The following VANGL1 variants were observed in gnomAD, a reference collection of about 807,000 sequenced individuals.
VANGL1 encodes VANGL planar cell polarity protein 1, also known as vang-like protein 1.
A neutral mutation model predicts 48.4 loss-of-function variants in VANGL1; 18 were observed. That is an observed-to-expected ratio of 0.37 (90% CI 0.26 to 0.55). The LOEUF (loss-of-function observed/expected upper bound fraction) is 0.55. Ranked by LOEUF, VANGL1 falls within the 20% of genes least tolerant of loss-of-function variation. The pLI is 0.81. For missense variants in VANGL1, 667 were observed against 675.8 expected (o/e 0.99, Z 0.14); for synonymous variants, 257 against 261.8 (o/e 0.98, Z 0.18).
intron 1 of VANGL1, among the ~76,000 whole-genome samples, chr1:115,650,463 C>T (rs1028102766): frequency 2.6e-5 from 4 of 152,098 alleles, no homozygotes; most frequent in African/African-American, 4.8e-5. Flanking sequence ...GACCCAGGAG[C>T]CTGCAAATAA....
rs1653922734 is a variant in VANGL1 at position 115,693,444 on chromosome 1, T to A, written c.*2065T>A. On this transcript the variant is annotated 3_prime_UTR_variant, in exon 8 of 8. Transcript: ENST00000355485. The stretch of plus-strand genomic sequence containing the variant: ...TTCCAACCCTATCTTCAATGACCAG[T>A]CCAGAAGGGGTTAAGCTGGATTCAT... 6.6e-6 allele frequency: 1 copy of A among 152,616 alleles called. No homozygotes were observed. The highest frequency in any genetic ancestry group is 6.5e-5 in the Admixed American group (1 of 15,280). The allele number at this position is 152,616 out of a possible 1,614,324, so 9.5% of individuals were successfully genotyped here.
intron 2 of VANGL1, among the ~76,000 whole-genome samples, chr1:115,655,830 G>A (rs1391140229): frequency 1.3e-5 from 2 of 152,152 alleles, no homozygotes; most frequent in African/African-American, 4.8e-5. Context: ...CTACAGGGAT[G>A]AGCATTTGAG....
chr1:115,678,496 C>G (rs1653251683), intron 4 of VANGL1, among the ~76,000 whole-genome samples: 1 of 152,224 alleles, frequency 6.6e-6, no homozygotes, highest in South Asian at 2.1e-4. Context: ...TTCACACTTG[C>G]TGCAGCTTGG....
intron 1 of VANGL1, 106 bp from the exon 2 acceptor site, chr1:115,651,171 C>T: frequency 1.9e-6 from 1 of 522,404 alleles, no homozygotes; most frequent in Non-Finnish European, 3.4e-6. Flanking sequence ...TCGCTTGTTC[C>T]ATGATAGAGA....
chr1:115,657,657 G>T (rs953648668), intron 2 of VANGL1, among the ~76,000 whole-genome samples: 8 of 152,136 alleles, frequency 5.3e-5, no homozygotes, highest in Admixed American at 6.5e-5. Flanking sequence ...CACCTGAGTT[G>T]ACCAGAACAC....
At chr1:115,676,893 T>C (rs923417824) in intron 4 of VANGL1, among the ~76,000 whole-genome samples, 5 of 152,228 alleles carry the variant, frequency 3.3e-5, no homozygotes, top group Non-Finnish European at 7.3e-5. Flanking sequence ...AGCCCACTTA[T>C]CATGGTAATC....
chr1:115,652,202 C>G (rs1652178897), intron 2 of VANGL1, among the ~76,000 whole-genome samples: 1 of 152,162 alleles, frequency 6.6e-6, no homozygotes, highest in Non-Finnish European at 1.5e-5. Flanking sequence ...GACTAATCTT[C>G]AGGTGAACAA....
chr1:115,649,171 G>T (rs1158282825), intron 1 of VANGL1, among the ~76,000 whole-genome samples: 1 of 152,128 alleles, frequency 6.6e-6, no homozygotes, highest in Non-Finnish European at 1.5e-5. Flanking sequence ...GAGACAGTAG[G>T]CAGAAAAAAA....
At chr1:115,653,487 A>T (rs1237397920) in intron 2 of VANGL1, among the ~76,000 whole-genome samples, 1 of 152,184 alleles carries the variant, frequency 6.6e-6, no homozygotes, top group Non-Finnish European at 1.5e-5. Flanking sequence ...CCACACCACA[A>T]TGACAGAAGT....
rs1431087178 is a variant in VANGL1 at position 115,694,073 on chromosome 1, A to G, written c.*2694A>G. 6.6e-6 allele frequency: 1 copy of G among 152,226 alleles called. No homozygotes were observed. The highest frequency in any genetic ancestry group is 1.5e-5 in the Non-Finnish European group (1 of 68,034). The allele number at this position is 152,226 out of a possible 1,614,324, so 9.4% of individuals were successfully genotyped here. On this transcript the variant is annotated 3_prime_UTR_variant, in exon 8 of 8. Transcript: ENST00000355485. The stretch of plus-strand genomic sequence containing the variant: ...GTAGATAATTTGTTCTTAAATATGT[A>G]CTTTTGAAGATAGGACAGTTTTTAT...
intron 4 of VANGL1, among the ~76,000 whole-genome samples, chr1:115,665,378 G>T (rs1294567337): frequency 6.6e-6 from 1 of 152,228 alleles, no homozygotes; most frequent in Non-Finnish European, 1.5e-5. Flanking sequence ...TTGGGGCAGG[G>T]TAGGCACTTA....
In VANGL1 at chr1:115,689,804, A is replaced by G. The variant is rs545174093; in HGVS notation, c.1315-1315A>G. Among the ~76,000 whole-genome samples the G allele has an allele frequency of 1.5e-5, 2 of 136,926 alleles. 1 individual carries two copies. The highest frequency in any genetic ancestry group is 4.1e-4 in the East Asian group (2 of 4,822). The allele number at this position is 136,926 out of a possible 152,430, so 89.8% of individuals were successfully genotyped here. A position where few individuals can be genotyped will look rare whatever the true frequency, so the allele number is the denominator to read the frequency against. On this transcript the variant is annotated intron_variant, in intron 7 of 7. Coordinates refer to ENST00000355485, the MANE Select transcript of VANGL1 (RefSeq NM_138959.3). Reference sequence around the variant, plus strand: ...AACCCCATCTCTACTAAAAACACAAAAATTAGCCAGGTGTGGTGACACATG... The same window carrying G: ...AACCCCATCTCTACTAAAAACACAAGAATTAGCCAGGTGTGGTGACACATG...
At chr1:115,659,338 A>G (rs1351585279) in intron 2 of VANGL1, among the ~76,000 whole-genome samples, 2 of 152,178 alleles carry the variant, frequency 1.3e-5, no homozygotes, top group Admixed American at 6.5e-5. Context: ...ACTAGCTACA[A>G]AAATCCTAAA....
intron 4 of VANGL1, among the ~76,000 whole-genome samples, chr1:115,670,625 G>T (rs960587062): frequency 6.6e-6 from 1 of 152,132 alleles, no homozygotes; most frequent in Admixed American, 6.6e-5. Flanking sequence ...GCTGGGCCAC[G>T]CCCTCCATCC....
In VANGL1 at chr1:115,672,372, T is replaced by C. The variant is rs150485485; in HGVS notation, c.812+8104T>C. Among the ~76,000 whole-genome samples the C allele has an allele frequency of 4.5e-3, 678 of 152,300 alleles. 4 individuals carry two copies. The highest frequency in any genetic ancestry group is 0.016 in the African/African-American group (647 of 41,566). On this transcript the variant is annotated intron_variant, in intron 4 of 7. Transcript: ENST00000355485. ...CCTTCCGATATTGGTTCAAAGAATT[T>C]GGCTGCCGAAGCTTTTGTGTAGCTG...
At chr1:115,663,611 T>A (rs1473675389) in intron 3 of VANGL1, 50 bp from the exon 4 acceptor site, 2 of 1,613,502 alleles carry the variant, frequency 1.2e-6, no homozygotes, top group Non-Finnish European at 1.7e-6. Context: ...CCTTTGTAGC[T>A]TTTACAAATG....
intron 4 of VANGL1, among the ~76,000 whole-genome samples, chr1:115,674,250 C>T (rs1653086324): frequency 6.6e-6 from 1 of 152,074 alleles, no homozygotes. Context: ...CTGGCGGAAA[C>T]ACCGTCCCTC....
rs924130956 is a variant in VANGL1, at chr1:115,689,264, C to T, written c.1315-1855C>T. ...AAGTGTGGGAGTATGCAAGGCCTTA[C>T]TTTTCTGCCTTACAATAGATGCTCC... On this transcript the variant is annotated intron_variant, in intron 7 of 7. Coordinates refer to ENST00000355485, the MANE Select transcript of VANGL1 (RefSeq NM_138959.3). Among the ~76,000 whole-genome samples the T allele has an allele frequency of 5.1e-5, 7 of 137,220 alleles. 1 individual carries two copies. The highest frequency in any genetic ancestry group is 1.9e-4 in the African/African-American group (7 of 36,386). The allele number at this position is 137,220 out of a possible 152,430, so 90.0% of individuals were successfully genotyped here.
At chr1:115,643,122 G>T (rs1651798781) in intron 1 of VANGL1, among the ~76,000 whole-genome samples, 1 of 151,824 alleles carries the variant, frequency 6.6e-6, no homozygotes, top group Admixed American at 6.6e-5. Context: ...CATGCATTTT[G>T]TTAAAACTCT....
Sources: allele counts gnomAD v4.1 joint callset (sites outside exome capture counted in the v4.1 genomes callset), GRCh38; gene constraint gnomAD v4.1.1; transcripts MANE v1.5; gene names NCBI Gene and HGNC (gene_info 2026-07-23, HGNC 2026-07-21).